Variants in CELF2 observed in about 807,000 individuals in gnomAD.
The protein encoded by CELF2 is CUGBP Elav-like family member 2.
Under a neutral mutation model 62.6 loss-of-function variants are expected in CELF2, and 8 were observed. That is an observed-to-expected ratio of 0.13 (90% CI 0.07 to 0.23). The LOEUF (loss-of-function observed/expected upper bound fraction) is 0.23, where lower values mean the gene tolerates loss of function less well. CELF2 is among the 10% of genes least tolerant of loss of function. CELF2 has a pLI of 1.00. For missense variants in CELF2, 333 were observed against 671.0 expected (o/e 0.50, Z 5.56); for synonymous variants, 258 against 250.0 (o/e 1.03, Z -0.30).
the CELF2 span, among the ~76,000 whole-genome samples, chr10:10,471,483 A>G: frequency 1.3e-5 from 2 of 151,710 alleles, no homozygotes; most frequent in Non-Finnish European, 3.0e-5. Context: ...TTTTTATTAT[A>G]AAGTATCCCT....
chr10:10,559,842 C>T, the CELF2 span, among the ~76,000 whole-genome samples: 1 of 152,166 alleles, frequency 6.6e-6, no homozygotes, highest in South Asian at 2.1e-4. Flanking sequence ...ATGGCCTCCA[C>T]AACCTTAGCC....
At chr10:10,770,844 A>G in the CELF2 span, among the ~76,000 whole-genome samples, 2 of 152,236 alleles carry the variant, frequency 1.3e-5, no homozygotes, top group African/African-American at 4.8e-5. Context: ...CCCAGAAAAT[A>G]GACTCCTAAT....
intron 1 of CELF2, among the ~76,000 whole-genome samples, chr10:11,086,591 A>C (rs796109344): frequency 7.6e-6 from 1 of 131,222 alleles, no homozygotes; most frequent in African/African-American, 3.3e-5. Context: ...AAAAAAAAAA[A>C]AAAAAAAAAA....
chr10:10,624,567 G>T, the CELF2 span, among the ~76,000 whole-genome samples: 1 of 152,132 alleles, frequency 6.6e-6, no homozygotes, highest in African/African-American at 2.4e-5. Context: ...TGGCCCAAAT[G>T]AGTGCTGCAT....
chr10:11,228,430 C>T (rs2067353595), intron 3 of CELF2, among the ~76,000 whole-genome samples: 1 of 152,100 alleles, frequency 6.6e-6, no homozygotes, highest in South Asian at 2.1e-4. Context: ...GTGGCTACAC[C>T]TCTTAGAGAA....
At chr10:10,939,681 G>A (rs964535001) in intron 2 of CELF2, among the ~76,000 whole-genome samples, 13 of 152,050 alleles carry the variant, frequency 8.5e-5, no homozygotes, top group African/African-American at 2.7e-4. Flanking sequence ...CAGGCCGGGC[G>A]CGGTGGCTCA....
At chr10:10,803,307 C>T (rs2054857921) in intron 1 of CELF2, among the ~76,000 whole-genome samples, 2 of 152,240 alleles carry the variant, frequency 1.3e-5, no homozygotes, top group African/African-American at 2.4e-5. Flanking sequence ...ACCTGCAAGG[C>T]CCCATCTGGC....
chr10:11,121,075 C>T (rs1401166780), intron 1 of CELF2, among the ~76,000 whole-genome samples: 3 of 152,190 alleles, frequency 2.0e-5, no homozygotes, highest in African/African-American at 7.2e-5. Flanking sequence ...GAAATCACCA[C>T]CTTAGACCCA....
chr10:11,224,276 C>T lies in CELF2; in HGVS notation c.354+6769C>T, dbSNP rs930392998. ...GGGCTTGTGTGAGAAAGTATGTTAACGCGCTGGTACTGGTGCCTGATCAGA... is the reference window on the plus strand; with the variant it reads ...GGGCTTGTGTGAGAAAGTATGTTAATGCGCTGGTACTGGTGCCTGATCAGA... On this transcript the variant is annotated intron_variant, in intron 3 of 12. Transcript: ENST00000633077. This position sits in a 1 kb window ranked among gnomAD's most constrained non-coding sequence, Gnocchi z 4.5. Among the ~76,000 whole-genome samples the T allele has an allele frequency of 1.3e-5, 2 of 152,156 alleles. No individual in the cohort carries two copies. The highest frequency in any genetic ancestry group is 2.1e-4 in the South Asian group (1 of 4,836).
chr10:10,938,098 T>C lies in CELF2; in HGVS notation c.89+18099T>C, dbSNP rs556796497. On this transcript the variant is annotated intron_variant, in intron 2 of 13. Coordinates refer to the CELF2 transcript ENST00000636488. This position sits in a 1 kb window ranked among gnomAD's most constrained non-coding sequence, Gnocchi z 4.2. ...CTAATTTGGAATAACTCAAGAGAGATAGAGGGGAGATGGGTAATACTGAAT... is the reference window on the plus strand; with the variant it reads ...CTAATTTGGAATAACTCAAGAGAGACAGAGGGGAGATGGGTAATACTGAAT... Among the ~76,000 whole-genome samples the C allele has an allele frequency of 4.6e-5, 7 of 152,254 alleles. No homozygotes were observed. The South Asian group carries it at 6.2e-4, about 14-fold the overall frequency.
chr10:10,694,972 C>T, the CELF2 span, among the ~76,000 whole-genome samples: 1 of 150,982 alleles, frequency 6.6e-6, no homozygotes, highest in Admixed American at 6.6e-5. Flanking sequence ...ATCCAATTTG[C>T]CAGTCTGTGT....
chr10:10,905,478 C>T (rs1206250627), intron 1 of CELF2, among the ~76,000 whole-genome samples: 1 of 151,344 alleles, frequency 6.6e-6, no homozygotes, highest in East Asian at 2.0e-4. Context: ...CATGGTGGCT[C>T]ACGCCCGTTA....
chr10:10,926,808 G>A (rs1400058519), intron 2 of CELF2, among the ~76,000 whole-genome samples: 1 of 152,208 alleles, frequency 6.6e-6, no homozygotes, highest in East Asian at 1.9e-4. Context: ...AGTACTTAAA[G>A]AATGGCATCC....
At chr10:10,818,546 CTTTTT>C (rs3028992) in intron 1 of CELF2, among the ~76,000 whole-genome samples, 1 of 116,534 alleles carries the variant, frequency 8.6e-6, no homozygotes, top group African/African-American at 3.4e-5. Flanking sequence ...TAAATATTTC[CTTTTT>C]TTTTTTTTTT....
At chr10:10,539,996 G>A in the CELF2 span, among the ~76,000 whole-genome samples, 4 of 152,146 alleles carry the variant, frequency 2.6e-5, no homozygotes, top group African/African-American at 4.8e-5. Context: ...GAGGTAAAGG[G>A]AGAATTGGAC....
At chr10:11,275,164 A>G (rs373605436) in intron 8 of CELF2, 44 bp downstream of exon 8, 2 of 1,599,132 alleles carry the variant, frequency 1.3e-6, no homozygotes, top group Non-Finnish European at 1.7e-6. Flanking sequence ...TGCTATTGTC[A>G]GAATTTGGGG....
chr10:10,623,581 GC>G, the CELF2 span, among the ~76,000 whole-genome samples: 1 of 152,094 alleles, frequency 6.6e-6, no homozygotes, highest in East Asian at 1.9e-4. Context: ...CATGGTACCT[GC>G]TTTAGTAGCT....
At chr10:10,651,275 G>A in the CELF2 span, among the ~76,000 whole-genome samples, 1 of 145,430 alleles carries the variant, frequency 6.9e-6, no homozygotes, top group African/African-American at 2.5e-5. Flanking sequence ...AAACTGCAAG[G>A]CGGCAGTGAG....
rs1456025692 is a variant in CELF2, at chr10:10,990,429, C to T, written c.89+70430C>T. On this transcript the variant is annotated intron_variant, in intron 2 of 13. Coordinates refer to the CELF2 transcript ENST00000636488. The surrounding 1 kb of genome is among the most constrained non-coding windows in gnomAD (Gnocchi z 4.6). The stretch of plus-strand genomic sequence containing the variant: ...GTGTAGATAATTTTTCTTCTTTATA[C>T]TTATCTGTGTTTCTGAGCATTATTA... 6.6e-6 allele frequency among the ~76,000 whole-genome samples: 1 copy of T among 151,954 alleles called. No individual in the cohort carries two copies. The highest frequency in any genetic ancestry group is 2.4e-5 in the African/African-American group (1 of 41,398).
Sources: allele counts gnomAD v4.1 joint callset (sites outside exome capture counted in the v4.1 genomes callset), GRCh38; gene constraint gnomAD v4.1.1; non-coding constraint Gnocchi (gnomAD v3.1); transcripts MANE v1.5; gene names NCBI Gene and HGNC (gene_info 2026-07-23, HGNC 2026-07-21).